HMCN1: variants seen among roughly 807,000 people sequenced by gnomAD.
HMCN1 encodes the protein hemicentin 1.
Under a neutral mutation model 625.9 loss-of-function variants are expected in HMCN1, and 321 were observed. The ratio of observed to expected loss-of-function variants is 0.51; its 90% CI spans 0.47 to 0.56. The LOEUF (loss-of-function observed/expected upper bound fraction) is 0.56, where lower values mean the gene tolerates loss of function less well. Ranked by LOEUF, HMCN1 falls within the 20% of genes least tolerant of loss-of-function variation. The pLI, the probability that HMCN1 is intolerant of heterozygous loss-of-function variation, is 0.00. For missense variants in HMCN1, 6,588 were observed against 6,887.3 expected, an observed-to-expected ratio of 0.96 and a Z score of 1.54; for synonymous variants, 2,425 against 2,417.6, an observed-to-expected ratio of 1.00 and a Z score of -0.09.
chr1:185,849,122 C>T (rs938128226), intron 2 of HMCN1, among the ~76,000 whole-genome samples: 1 of 152,032 alleles, frequency 6.6e-6, no homozygotes, highest in Non-Finnish European at 1.5e-5. Flanking sequence ...TCCTACCTTT[C>T]ATTCCCATCT....
At chr1:185,906,289 A>AT (rs1178323958) in intron 4 of HMCN1, among the ~76,000 whole-genome samples, 2 of 151,780 alleles carry the variant, frequency 1.3e-5, no homozygotes, top group East Asian at 3.9e-4. Flanking sequence ...TTATAAGTGG[A>AT]TAAAAAAAGT....
rs1367421618 is a variant in HMCN1, at chr1:185,982,252, C to T, written c.2663-10C>T. 6.2e-7 allele frequency: 1 copy of T among 1,613,694 alleles called. No individual in the cohort carries two copies. The highest frequency in any genetic ancestry group is 8.5e-7 in the Non-Finnish European group (1 of 1,179,794). ...AGAGTTGAAAGTGCCTGTGCTCTCT[C>T]TTGATTTAGTTGCTCCACTTATTGG... On this transcript the variant is annotated splice_polypyrimidine_tract_variant and intron_variant, in intron 17 of 106. Coordinates refer to ENST00000271588, the MANE Select transcript of HMCN1 (RefSeq NM_031935.3).
intron 85 of HMCN1, among the ~76,000 whole-genome samples, chr1:186,131,809 C>T (rs191993493): frequency 2.0e-5 from 3 of 152,222 alleles, no homozygotes; most frequent in South Asian, 2.1e-4. Context: ...ATGTGACCTA[C>T]AATCTGTGAT....
chr1:185,806,708 G>C (rs1435906666), intron 1 of HMCN1, among the ~76,000 whole-genome samples: 1 of 152,016 alleles, frequency 6.6e-6, no homozygotes, highest in Non-Finnish European at 1.5e-5. Context: ...AAACTGGTTT[G>C]CATTTTAGAA....
At chr1:186,038,374 A>G (rs1364286028) in intron 37 of HMCN1, among the ~76,000 whole-genome samples, 2 of 152,134 alleles carry the variant, frequency 1.3e-5, no homozygotes, top group Non-Finnish European at 2.9e-5. Flanking sequence ...GCTAGATAAA[A>G]TTGTCGTTCT....
At chr1:185,914,428 G>A (rs1449314616) in intron 6 of HMCN1, among the ~76,000 whole-genome samples, 1 of 152,054 alleles carries the variant, frequency 6.6e-6, no homozygotes, top group African/African-American at 2.4e-5. Flanking sequence ...TCACATAACA[G>A]TTTTTATCCC....
intron 2 of HMCN1, among the ~76,000 whole-genome samples, chr1:185,859,359 T>C (rs1467441984): frequency 6.6e-6 from 1 of 152,130 alleles, no homozygotes; most frequent in Non-Finnish European, 1.5e-5. Context: ...AAATGTATCA[T>C]TCTAAAGTAG....
At chr1:185,942,833 G>T (rs1294923155) in intron 11 of HMCN1, among the ~76,000 whole-genome samples, 1 of 152,006 alleles carries the variant, frequency 6.6e-6, no homozygotes, top group African/African-American at 2.4e-5. Context: ...GATCAAGCAG[G>T]TATAAATCAA....
intron 98 of HMCN1, among the ~76,000 whole-genome samples, 178 bp from the exon 99 acceptor site, chr1:186,166,006 C>T (rs1369532825): frequency 6.6e-6 from 1 of 152,188 alleles, no homozygotes; most frequent in Non-Finnish European, 1.5e-5. Flanking sequence ...TCAAGGATAA[C>T]TCAGATGCCT....
chr1:185,907,540 C>T (rs1666165562), intron 4 of HMCN1, among the ~76,000 whole-genome samples: 1 of 152,002 alleles, frequency 6.6e-6, no homozygotes, highest in Admixed American at 6.6e-5. Context: ...CTCATGTTCT[C>T]AACATATTTG....
chr1:185,905,183 C>T (rs1373479383), intron 4 of HMCN1, among the ~76,000 whole-genome samples: 4 of 151,762 alleles, frequency 2.6e-5, no homozygotes, highest in Admixed American at 1.3e-4. Flanking sequence ...CCTTTTAGCA[C>T]ACATTTAACT....
At chr1:185,781,481 A>G (rs1490862975) in intron 1 of HMCN1, among the ~76,000 whole-genome samples, 1 of 152,084 alleles carries the variant, frequency 6.6e-6, no homozygotes, top group Non-Finnish European at 1.5e-5. Flanking sequence ...TCTTGTGGGC[A>G]TTTAGTGGTA....
chr1:185,939,365 G>C (rs1174366727), intron 11 of HMCN1, among the ~76,000 whole-genome samples: 1 of 152,128 alleles, frequency 6.6e-6, no homozygotes, highest in Non-Finnish European at 1.5e-5. Context: ...CCTCAAGCAG[G>C]GTTTACCACA....
chr1:186,115,270 T>C lies in HMCN1; in HGVS notation c.11417T>C (p.Ile3806Thr). The C allele has an allele frequency of 1.2e-6, 2 of 1,614,096 alleles. No homozygotes were observed. Among genetic ancestry groups the C allele is most frequent in the Non-Finnish European group, 1.7e-6 (2 of 1,179,994 alleles). The stretch of plus-strand genomic sequence containing the variant: ...GACATTGTCTTAGTTCCTCCATCTA[T>C]TGCTCCGGGTCCTACCAACATGACT... The part of the protein sequence containing the change: ...IDLQVHVPPS[I>T]APGPTNMTVI... The change falls in exon 75 of 107, where the codon ATT becomes ACT. Residue 3806 changes from isoleucine (I) to threonine (T), a missense_variant. Physicochemically the swap from Ile to Thr is moderately conservative, Grantham distance 89. This residue lies in a region of HMCN1 where 4,628 missense variants were observed against 4,853.1 expected (regional missense o/e 0.95). Coordinates refer to ENST00000271588, the MANE Select transcript of HMCN1 (RefSeq NM_031935.3).
At chr1:186,063,494 GAA>G (rs1299275532) in intron 48 of HMCN1, among the ~76,000 whole-genome samples, 1 of 144,000 alleles carries the variant, frequency 6.9e-6, no homozygotes, top group Admixed American at 6.8e-5. Flanking sequence ...AGGAAGGAAG[GAA>G]GGAAGGAAGG....
intron 70 of HMCN1, among the ~76,000 whole-genome samples, chr1:186,107,471 A>G (rs1364747174): frequency 2.0e-5 from 3 of 152,190 alleles, no homozygotes; most frequent in Non-Finnish European, 4.4e-5. Context: ...TTGCATATAA[A>G]TGTTTTGTCA....
In HMCN1 at chr1:186,045,692, G is replaced by A. The variant is rs367790421; in HGVS notation, c.6309G>A (p.Pro2103=). ...QRDIDLRVYV[P]PNIMGEEQNV... ...GAAAACCCATCTTTCATGTAGTTCC[G>A]CCAAATATTATGGGAGAAGAACAGA... Residue 2103 remains proline, a synonymous_variant, in exon 41 of 107, where the codon CCG becomes CCA. Transcript: ENST00000271588. 48 of 1,612,614 alleles carry A rather than the reference G, an allele frequency of 3.0e-5. 2 individuals are homozygous for A. In the South Asian group the frequency reaches 4.1e-4, roughly 14 times the overall value.
intron 1 of HMCN1, among the ~76,000 whole-genome samples, chr1:185,787,414 T>C (rs1039149124): frequency 7.9e-5 from 12 of 152,114 alleles, no homozygotes; most frequent in Admixed American, 1.3e-4. Flanking sequence ...TCTGGAAAGA[T>C]TGGCAGAAGC....
intron 64 of HMCN1, 103 bp downstream of exon 64, chr1:186,091,020 G>A: frequency 7.7e-7 from 1 of 1,292,354 alleles, no homozygotes; most frequent in South Asian, 1.3e-5. Context: ...CATCCCATTG[G>A]AACTTAGCTA....
Sources: allele counts gnomAD v4.1 joint callset (sites outside exome capture counted in the v4.1 genomes callset), GRCh38; gene constraint gnomAD v4.1.1; regional missense constraint gnomAD v4.1.1; transcripts MANE v1.5; gene names NCBI Gene and HGNC (gene_info 2026-07-23, HGNC 2026-07-21).